The following SLC52A3 variants were observed in gnomAD, a reference collection of about 807,000 sequenced individuals.
SLC52A3 encodes the protein solute carrier family 52 member 3, also known as solute carrier family 52, riboflavin transporter, member 3.
Under a neutral mutation model 29.5 loss-of-function variants are expected in SLC52A3, and 20 were observed. The ratio of observed to expected loss-of-function variants is 0.68; its 90% CI spans 0.48 to 0.99. The LOEUF (loss-of-function observed/expected upper bound fraction) is 0.99. Among genes scored for constraint, SLC52A3 ranks in the 50% least tolerant of loss-of-function variants. The pLI, the probability that SLC52A3 is intolerant of heterozygous loss-of-function variation, is 0.00. For missense variants in SLC52A3, 548 were observed against 612.9 expected, an observed-to-expected ratio of 0.89 and a Z score of 1.12; for synonymous variants, 301 against 271.0, an observed-to-expected ratio of 1.11 and a Z score of -1.09.
chr20:761,287 G>A (rs777394360), intron 4 of SLC52A3, 49 bp from the exon 5 acceptor site: 8 of 1,494,578 alleles, frequency 5.4e-6, no homozygotes, highest in South Asian at 3.7e-5. Flanking sequence ...CTTGCGGGGC[G>A]AGCGCCGGAG....
In SLC52A3 at chr20:765,769, G is replaced by A. The variant is rs774945949; in HGVS notation, c.6C>T (p.Ala2=). 3.1e-6 allele frequency: 5 copies of A among 1,598,854 alleles called. No homozygotes were observed. In the South Asian group the frequency reaches 5.5e-5, roughly 18 times the overall value. M[A]FLMHLLVCVF... ...CGCAGACCAGCAGGTGCATCAGGAA[G>A]GCCATGGCGGTATCTGCCCTGGGCC... is the stretch of plus-strand genomic sequence containing the variant. Residue 2 remains alanine, a synonymous_variant, in exon 2 of 5, where the codon GCC becomes GCT. Coordinates refer to ENST00000645534, the MANE Select transcript of SLC52A3 (RefSeq NM_033409.4). This position sits in a 1 kb window ranked among gnomAD's most constrained non-coding sequence, Gnocchi z 6.6.
upstream of SLC52A3, among the ~76,000 whole-genome samples, chr20:771,240 A>G (rs1482972691): frequency 6.6e-6 from 1 of 152,216 alleles, no homozygotes; most frequent in African/African-American, 2.4e-5. Flanking sequence ...CAACTGGTCA[A>G]CATGGTAAAA....
chr20:773,106 C>A (rs534668631), upstream of SLC52A3, among the ~76,000 whole-genome samples: 1 of 152,148 alleles, frequency 6.6e-6, no homozygotes, highest in Non-Finnish European at 1.5e-5. Flanking sequence ...GCAGAAGAGA[C>A]CAGCTCTAAT....
Position 761,117 on chromosome 20 carries a change from G to A in SLC52A3, c.1319C>T (p.Ser440Leu). ...GAACATGAGCAGCGCTCCGAGCAGC[G>A]AGCCCAGCTGCACCGCCGCCCCGCA... ...LWCGAAVQLGSLLGALLMFPL... is the reference protein window; with the variant it reads ...LWCGAAVQLGLLLGALLMFPL... The change falls in exon 5 of 5, where the codon TCG becomes TTG. Residue 440 changes from serine to leucine, a missense_variant. Ser to Leu is a moderately radical substitution (Grantham distance 145, BLOSUM62 -2). Around this residue, in one of 2 missense-constraint regions of SLC52A3, gnomAD observed 173 missense variants for 141.8 expected, o/e 1.22. Transcript: ENST00000645534. 6.2e-7 allele frequency: 1 copy of A among 1,601,426 alleles called. No homozygotes were observed. Among genetic ancestry groups the A allele is most frequent in the Non-Finnish European group, 8.5e-7 (1 of 1,175,056 alleles).
Position 765,757 on chromosome 20 carries a change from G to T in SLC52A3, c.18C>A (p.His6Gln). MAFLM[H>Q]LLVCVFGMGS... ...CCATTCCGAAGACGCAGACCAGCAG[G>T]TGCATCAGGAAGGCCATGGCGGTAT... The change falls in exon 2 of 5, where the codon CAC becomes CAA. Residue 6 changes from histidine to glutamine, a missense_variant. Physicochemically the swap from His to Gln is conservative, Grantham distance 24. This residue lies in a region of SLC52A3 where 375 missense variants were observed against 471.1 expected (regional missense o/e 0.80). Coordinates refer to ENST00000645534, the MANE Select transcript of SLC52A3 (RefSeq NM_033409.4). This position sits in a 1 kb window ranked among gnomAD's most constrained non-coding sequence, Gnocchi z 6.6. 6.2e-7 allele frequency: 1 copy of T among 1,606,002 alleles called. No homozygotes were observed. The highest frequency in any genetic ancestry group is 8.5e-7 in the Non-Finnish European group (1 of 1,177,252).
upstream of SLC52A3, among the ~76,000 whole-genome samples, chr20:768,808 C>T (rs763452186): frequency 1.3e-5 from 2 of 152,172 alleles, no homozygotes; most frequent in Non-Finnish European, 2.9e-5. Flanking sequence ...CCACTCCAGG[C>T]GTGCCAAGAG....
At position 761,156 on chromosome 20, in the gene SLC52A3, C is replaced by T; in HGVS notation, c.1280G>A (p.Ser427Asn). ...LGVVLRDLSRSALLWCGAAVQ... is the reference protein window; with the variant it reads ...LGVVLRDLSRNALLWCGAAVQ... ...CGCCGCCCCGCACCACAAGAGGGCGCTGCGGCTGAGGTCGCGCAGGACCAC... is the reference window on the plus strand; with the variant it reads ...CGCCGCCCCGCACCACAAGAGGGCGTTGCGGCTGAGGTCGCGCAGGACCAC... The change falls in exon 5 of 5, where the codon AGC becomes AAC. Residue 427 changes from serine to asparagine, a missense_variant. Ser to Asn is a conservative substitution (Grantham distance 46, BLOSUM62 1). Coordinates refer to ENST00000645534, the MANE Select transcript of SLC52A3 (RefSeq NM_033409.4). The T allele has an allele frequency of 6.3e-7, 1 of 1,584,466 alleles. No homozygotes were observed. Among genetic ancestry groups the T allele is most frequent in the Non-Finnish European group, 8.6e-7 (1 of 1,166,728 alleles).
upstream of SLC52A3, among the ~76,000 whole-genome samples, chr20:770,812 C>T (rs1211702620): frequency 6.6e-6 from 1 of 152,166 alleles, no homozygotes; most frequent in African/African-American, 2.4e-5. This position sits in a 1 kb window ranked among gnomAD's most constrained non-coding sequence, Gnocchi z 4.5. Flanking sequence ...GTAAACACTG[C>T]AGTCACAAGT....
chr20:766,792 G>C (rs1013545105), intron 1 of SLC52A3, among the ~76,000 whole-genome samples: 1 of 152,190 alleles, frequency 6.6e-6, no homozygotes. Flanking sequence ...GGACGCGCGT[G>C]ACATTCCTAA....
At chr20:778,930 A>G (rs1327651818), upstream of SLC52A3, among the ~76,000 whole-genome samples, 1 of 152,220 alleles carries the variant, frequency 6.6e-6, no homozygotes, top group East Asian at 1.9e-4. Context: ...AAAATTTGGC[A>G]TAGAGGGTAC....
At chr20:778,993 T>C (rs1987142432), upstream of SLC52A3, among the ~76,000 whole-genome samples, 1 of 152,222 alleles carries the variant, frequency 6.6e-6, no homozygotes, top group Non-Finnish European at 1.5e-5. Context: ...AATTTTTTAA[T>C]AATGAAACAT....
upstream of SLC52A3, among the ~76,000 whole-genome samples, chr20:769,553 C>G (rs1986786106): frequency 6.6e-6 from 1 of 151,974 alleles, no homozygotes; most frequent in Non-Finnish European, 1.5e-5. Flanking sequence ...CTCAATGAAC[C>G]ATCATTATAA....
intron 1 of SLC52A3, among the ~76,000 whole-genome samples, chr20:767,512 C>A (rs1244353403): frequency 6.6e-6 from 1 of 152,018 alleles, no homozygotes; most frequent in African/African-American, 2.4e-5. Context: ...CCCACCACTA[C>A]GCCCAGCTAA....
At chr20:764,162 A>G (rs1002907623) in intron 2 of SLC52A3, among the ~76,000 whole-genome samples, 159 bp from the exon 3 acceptor site, 1 of 152,192 alleles carries the variant, frequency 6.6e-6, no homozygotes, top group Non-Finnish European at 1.5e-5. Flanking sequence ...GCTCATACTG[A>G]CTGCCCACTG....
At position 760,819 on chromosome 20, in the gene SLC52A3, C is replaced by A. The variant is rs1986432043; in HGVS notation, c.*207G>T. 5.0e-6 allele frequency: 3 copies of A among 600,350 alleles called. No individual in the cohort carries two copies. The Admixed American group carries it at 8.7e-5, about 18-fold the overall frequency. 37.2% of individuals were successfully genotyped at this position (600,350 alleles called of 1,614,324 possible). ...CAAAGCAAAGGAGATCTGAGCTGGT[C>A]GTCACAGGTAGTGTGACACAGAGTT... On this transcript the variant is annotated 3_prime_UTR_variant, in exon 5 of 5. Transcript: ENST00000645534. The surrounding 1 kb of genome is among the most constrained non-coding windows in gnomAD (Gnocchi z 4.9).
chr20:772,589 T>G (rs1218508520), upstream of SLC52A3, among the ~76,000 whole-genome samples: 18 of 26,468 alleles, frequency 6.8e-4, no homozygotes, highest in Admixed American at 1.7e-3. Flanking sequence ...TATTTTCTGT[T>G]TTTTTTTTTT....
rs1232039219 is a variant in SLC52A3 at position 761,021 on chromosome 20, C to T, written c.*5G>A. ...TGAGCGATGGGGGCGGGGTCGGCGG[C>T]CTGCCTAGGCTGGACAGTGCAGATT... On this transcript the variant is annotated 3_prime_UTR_variant, in exon 5 of 5. Transcript: ENST00000645534. 6.3e-7 allele frequency: 1 copy of T among 1,597,716 alleles called. No homozygotes were observed. The highest frequency in any genetic ancestry group is 1.3e-5 in the African/African-American group (1 of 74,534).
upstream of SLC52A3, among the ~76,000 whole-genome samples, chr20:769,802 C>T (rs921141764): frequency 4.6e-5 from 7 of 152,060 alleles, no homozygotes; most frequent in Non-Finnish European, 8.8e-5. Flanking sequence ...GAGGCTGAGG[C>T]CGGAGAACGG....
chr20:774,152 G>T (rs1425640879), intron 1 of SLC52A3, among the ~76,000 whole-genome samples: 1 of 152,244 alleles, frequency 6.6e-6, no homozygotes, highest in Non-Finnish European at 1.5e-5. Flanking sequence ...ACCATGGCTG[G>T]GTTCTCGCTC....
Sources: allele counts gnomAD v4.1 joint callset (sites outside exome capture counted in the v4.1 genomes callset), GRCh38; gene constraint gnomAD v4.1.1; regional missense constraint gnomAD v4.1.1; non-coding constraint Gnocchi (gnomAD v3.1); transcripts MANE v1.5; gene names NCBI Gene and HGNC (gene_info 2026-07-23, HGNC 2026-07-21).